Variants in CIROZ observed in about 807,000 individuals in gnomAD.
CIROZ encodes the protein ciliated left-right organizer protein containing ZP-N domains, also known as ciliated left-right organizer ZP-N domains-containing protein.
the CIROZ span, chr1:10,976,346 T>A: frequency 1.1e-6 from 1 of 929,220 alleles, no homozygotes; most frequent in Non-Finnish European, 1.6e-6. Context: ...TCTTTTTTTT[T>A]TTTTTCTGAG....
the CIROZ span, chr1:10,948,238 G>A: frequency 1.7e-4 from 280 of 1,613,958 alleles, no homozygotes; most frequent in African/African-American, 2.7e-3. Context: ...CCCTCCCTGG[G>A]GAGACCAGGC....
chr1:10,976,599 C>T, the CIROZ span, among the ~76,000 whole-genome samples: 1 of 151,890 alleles, frequency 6.6e-6, no homozygotes, highest in East Asian at 1.9e-4. Context: ...ATCCACCCGC[C>T]TCGGCCTCCC....
At chr1:10,979,629 A>G in the CIROZ span, among the ~76,000 whole-genome samples, 1 of 152,176 alleles carries the variant, frequency 6.6e-6, no homozygotes, top group African/African-American at 2.4e-5. Flanking sequence ...GGACACGTGC[A>G]AGACTGTTGA....
chr1:10,947,596 C>T, the CIROZ span: 15 of 1,307,778 alleles, frequency 1.1e-5, no homozygotes, highest in East Asian at 3.1e-4. Context: ...CCATCACTGC[C>T]TCCCACCCTT....
the CIROZ span, chr1:10,948,056 C>T: frequency 3.2e-5 from 52 of 1,613,300 alleles, no homozygotes; most frequent in Admixed American, 1.2e-4. Flanking sequence ...CTGCCAGCCT[C>T]ACCCTGGGCA....
chr1:10,967,372 TCTC>T, the CIROZ span, among the ~76,000 whole-genome samples: 1 of 151,880 alleles, frequency 6.6e-6, no homozygotes, highest in Admixed American at 6.6e-5. Context: ...GGAACTCTCT[TCTC>T]CTAGATATCC....
At chr1:10,966,090 G>A in the CIROZ span, among the ~76,000 whole-genome samples, 1 of 152,172 alleles carries the variant, frequency 6.6e-6, no homozygotes, top group Non-Finnish European at 1.5e-5. Flanking sequence ...CACATTATGA[G>A]TCAGTGTTGG....
the CIROZ span, among the ~76,000 whole-genome samples, chr1:10,958,277 T>C: frequency 6.6e-6 from 1 of 151,988 alleles, no homozygotes; most frequent in Non-Finnish European, 1.5e-5. Flanking sequence ...GGATGTGAAA[T>C]GGAGAAGAGG....
At chr1:10,949,908 C>T in the CIROZ span, 1 of 1,198,714 alleles carries the variant, frequency 8.3e-7, no homozygotes, top group Admixed American at 2.8e-5. Flanking sequence ...CCCTTTTCCA[C>T]AGGTGGGGAA....
chr1:10,951,747 T>A, the CIROZ span, among the ~76,000 whole-genome samples: 1,649 of 115,666 alleles, frequency 0.014, 20 homozygotes, highest in East Asian at 0.051. Context: ...AAAAAAAAAA[T>A]ATATATATAT....
chr1:10,948,164 G>A, the CIROZ span: 1 of 1,613,750 alleles, frequency 6.2e-7, no homozygotes, highest in Non-Finnish European at 8.5e-7. Context: ...GCAGGATGGA[G>A]AGTCCCGGCC....
chr1:10,979,663 AC>A, the CIROZ span, among the ~76,000 whole-genome samples: 13 of 152,228 alleles, frequency 8.5e-5, no homozygotes, highest in Non-Finnish European at 1.3e-4. Context: ...ATTTCCTGTA[AC>A]CTGGAAACCA....
At chr1:10,947,002 G>A in the CIROZ span, among the ~76,000 whole-genome samples, 1 of 152,220 alleles carries the variant, frequency 6.6e-6, no homozygotes, top group African/African-American at 2.4e-5. Context: ...AATGATCGCC[G>A]TAAGAATGGC....
the CIROZ span, among the ~76,000 whole-genome samples, chr1:10,955,835 A>G: frequency 3.0e-5 from 4 of 134,214 alleles, no homozygotes; most frequent in African/African-American, 1.2e-4. Flanking sequence ...CAAGAGTGAA[A>G]CTCCATCTCA....
At chr1:10,981,560 G>A in the CIROZ span, among the ~76,000 whole-genome samples, 1 of 148,026 alleles carries the variant, frequency 6.8e-6, no homozygotes, top group African/African-American at 2.6e-5. Context: ...AGGAAGGGAG[G>A]GAAGGAAGGA....
the CIROZ span, chr1:10,957,808 G>A: frequency 3.2e-6 from 5 of 1,561,682 alleles, no homozygotes; most frequent in Non-Finnish European, 4.4e-6. Flanking sequence ...ACGGTCACTA[G>A]GGGTTACGGA....
At chr1:10,958,673 T>G in the CIROZ span, 1 of 1,611,760 alleles carries the variant, frequency 6.2e-7, no homozygotes, top group South Asian at 1.1e-5. Context: ...AGCAGAAACT[T>G]CCAGAGAGTT....
At chr1:10,974,901 TG>T in the CIROZ span, among the ~76,000 whole-genome samples, 938 of 152,290 alleles carry the variant, frequency 6.2e-3, 12 homozygotes, top group African/African-American at 0.021. The surrounding 1 kb of genome is among the most constrained non-coding windows in gnomAD (Gnocchi z 4.4). Context: ...TTGAAGTTGC[TG>T]TCAATAGTGA....
At chr1:10,949,098 C>A in the CIROZ span, 1 of 341,118 alleles carries the variant, frequency 2.9e-6, no homozygotes, top group Non-Finnish European at 5.3e-6. Flanking sequence ...GTGGCGTGGG[C>A]CTGTAATCCC....
Sources: allele counts gnomAD v4.1 joint callset (sites outside exome capture counted in the v4.1 genomes callset), GRCh38; gene constraint gnomAD v4.1.1; non-coding constraint Gnocchi (gnomAD v3.1); transcripts MANE v1.5; gene names NCBI Gene and HGNC (gene_info 2026-07-23, HGNC 2026-07-21).